Variants in METTL16 observed in about 807,000 individuals in gnomAD.
METTL16 encodes the protein methyltransferase 16, RNA N6-adenosine, also known as RNA N(6)-adenosine-methyltransferase METTL16.
In METTL16, 19 loss-of-function variants were observed where a neutral mutation model predicts 57.9. That is an observed-to-expected ratio of 0.33 (90% CI 0.23 to 0.48). The LOEUF (loss-of-function observed/expected upper bound fraction) is 0.48, where lower values mean the gene tolerates loss of function less well. Ranked by LOEUF, METTL16 falls within the 20% of genes least tolerant of loss-of-function variation. METTL16 has a pLI of 0.99. For synonymous variants in METTL16, 246 were observed against 255.6 expected, an observed-to-expected ratio of 0.96 and a Z score of 0.36; for missense variants, 434 against 691.5, an observed-to-expected ratio of 0.63 and a Z score of 4.18.
intron 6 of METTL16, among the ~76,000 whole-genome samples, chr17:2,447,718 C>T (rs2067017189): frequency 6.9e-6 from 1 of 143,984 alleles, no homozygotes; most frequent in Non-Finnish European, 1.5e-5. Flanking sequence ...GGGGTCAGCC[C>T]CCCGCCCGGC....
chr17:2,475,190 G>A (rs1253351492), intron 3 of METTL16: 2 of 152,136 alleles, frequency 1.3e-5, no homozygotes, highest in Non-Finnish European at 2.9e-5. Flanking sequence ...AAAGATGATG[G>A]CCGCAACATT....
At chr17:2,428,620 G>A (rs2066844243) in intron 8 of METTL16, among the ~76,000 whole-genome samples, 1 of 125,980 alleles carries the variant, frequency 7.9e-6, no homozygotes, top group African/African-American at 3.1e-5. Flanking sequence ...AATACAGCGG[G>A]GCACAGTGGC....
intron 6 of METTL16, among the ~76,000 whole-genome samples, chr17:2,442,122 G>A (rs1359944675): frequency 6.6e-5 from 10 of 152,232 alleles, no homozygotes. Flanking sequence ...AGAATATACT[G>A]CTTCTGATTA....
chr17:2,463,892 C>T (rs889763275), intron 6 of METTL16, among the ~76,000 whole-genome samples: 3 of 151,794 alleles, frequency 2.0e-5, no homozygotes, highest in African/African-American at 4.8e-5. Flanking sequence ...TTTGGGAGGT[C>T]GAGGCAGGCA....
intron 6 of METTL16, among the ~76,000 whole-genome samples, chr17:2,451,962 A>G (rs2067074099): frequency 6.6e-6 from 1 of 151,926 alleles, no homozygotes; most frequent in Non-Finnish European, 1.5e-5. Context: ...CCTGGGCAAC[A>G]TGGCAAGACC....
At chr17:2,482,322 C>T (rs1055246476) in intron 2 of METTL16, among the ~76,000 whole-genome samples, 1 of 152,136 alleles carries the variant, frequency 6.6e-6, no homozygotes, top group African/African-American at 2.4e-5. Flanking sequence ...TCATTCATGT[C>T]GCAGTTTCCA....
intron 7 of METTL16, among the ~76,000 whole-genome samples, chr17:2,439,402 T>C (rs371462053): frequency 2.2e-4 from 34 of 152,246 alleles, no homozygotes; most frequent in African/African-American, 6.5e-4. Flanking sequence ...ATGAGCCACT[T>C]TGCCCGGCCT....
chr17:2,454,755 G>C (rs1369258471), intron 6 of METTL16, among the ~76,000 whole-genome samples: 2 of 150,810 alleles, frequency 1.3e-5, no homozygotes, highest in Non-Finnish European at 3.0e-5. Flanking sequence ...GTAGAGACAG[G>C]GTTTCATCAT....
At chr17:2,434,450 G>A (rs1188537638) in intron 8 of METTL16, among the ~76,000 whole-genome samples, 1 of 152,148 alleles carries the variant, frequency 6.6e-6, no homozygotes, top group Non-Finnish European at 1.5e-5. Flanking sequence ...CCTGACTTCA[G>A]GTGATCACCA....
intron 6 of METTL16, among the ~76,000 whole-genome samples, chr17:2,456,460 T>C (rs1227586197): frequency 1.3e-5 from 2 of 152,212 alleles, no homozygotes; most frequent in African/African-American, 4.8e-5. Flanking sequence ...TTATGGACTG[T>C]TGTTAAGCTC....
intron 4 of METTL16, among the ~76,000 whole-genome samples, chr17:2,472,893 G>A (rs573659728): frequency 6.6e-6 from 1 of 152,102 alleles, no homozygotes; most frequent in African/African-American, 2.4e-5. Flanking sequence ...GCAGTGAAAC[G>A]ATTCTGTGTA....
At chr17:2,460,323 C>T (rs1170574204) in intron 6 of METTL16, 1 of 152,138 alleles carries the variant, frequency 6.6e-6, no homozygotes, top group Non-Finnish European at 1.5e-5. Flanking sequence ...TGGGCTCTTG[C>T]ATTTTATCCT....
chr17:2,424,041 T>C (rs2066789743), intron 8 of METTL16: 1 of 152,144 alleles, frequency 6.6e-6, no homozygotes, highest in Non-Finnish European at 1.5e-5. Context: ...TATACAATGG[T>C]CAGTCAACAA....
intron 1 of METTL16, 71 bp from the exon 2 acceptor site, chr17:2,502,402 G>T: frequency 6.9e-7 from 1 of 1,455,706 alleles, no homozygotes; most frequent in Non-Finnish European, 9.5e-7. Context: ...CGGGTGCGGT[G>T]CCTCATGCCT....
chr17:2,491,970 A>G (rs1199082598), intron 2 of METTL16, among the ~76,000 whole-genome samples: 15 of 149,330 alleles, frequency 1.0e-4, no homozygotes, highest in Non-Finnish European at 1.6e-4. Flanking sequence ...CCAGCACTTT[A>G]GGAGGCCAAG....
intron 6 of METTL16, among the ~76,000 whole-genome samples, chr17:2,448,225 GA>G (rs2067029856): frequency 2.0e-4 from 20 of 102,238 alleles, no homozygotes; most frequent in Admixed American, 5.4e-4. Context: ...GCCCGGCCAC[GA>G]CCCCGTCTGG....
At chr17:2,456,560 G>A (rs1406876886) in intron 6 of METTL16, among the ~76,000 whole-genome samples, 1 of 152,054 alleles carries the variant, frequency 6.6e-6, no homozygotes. Context: ...CTGCAGCCTT[G>A]ACCTCCTGGA....
chr17:2,487,642 C>T (rs2067353403), intron 2 of METTL16, among the ~76,000 whole-genome samples: 1 of 152,142 alleles, frequency 6.6e-6, no homozygotes, highest in Non-Finnish European at 1.5e-5. Context: ...TGACATGAGG[C>T]TGCTGGAGAC....
At chr17:2,486,354 T>C (rs1249435606) in intron 2 of METTL16, among the ~76,000 whole-genome samples, 1 of 151,614 alleles carries the variant, frequency 6.6e-6, no homozygotes, top group Non-Finnish European at 1.5e-5. Flanking sequence ...TCATTGCAAC[T>C]TACGCCTCCC....
Sources: gnomAD v4.1 joint callset for allele counts (sites outside exome capture counted in the v4.1 genomes callset) on GRCh38, gnomAD v4.1.1 for gene constraint, MANE v1.5 for transcripts, NCBI Gene and HGNC (gene_info 2026-07-23, HGNC 2026-07-21) for gene names.